AFG2A: variants seen among roughly 807,000 people sequenced by gnomAD.
AFG2A encodes the protein AAA ATPase AFG2A, also known as ATPase family gene 2 protein homolog A.
chr4:122,979,167 C>T, the AFG2A span: 2 of 1,542,214 alleles, frequency 1.3e-6, no homozygotes, highest in Non-Finnish European at 1.8e-6. Context: ...GCCACCGGAG[C>T]CATCAATTCA....
the AFG2A span, among the ~76,000 whole-genome samples, chr4:122,984,893 AAGGATATTGGTCTGT>A: frequency 2.6e-5 from 4 of 152,132 alleles, no homozygotes; most frequent in Non-Finnish European, 5.9e-5. Context: ...AGTGTTCATC[AAGGATATTGGTCTGT>A]AGTTTTCTTT....
the AFG2A span, among the ~76,000 whole-genome samples, chr4:123,214,722 G>A: frequency 6.6e-6 from 1 of 151,878 alleles, no homozygotes; most frequent in Non-Finnish European, 1.5e-5. Flanking sequence ...ACACTACTCA[G>A]CCTTAAGACG....
the AFG2A span, among the ~76,000 whole-genome samples, chr4:122,947,836 A>G: frequency 2.6e-5 from 4 of 151,850 alleles, no homozygotes; most frequent in East Asian, 5.8e-4. Flanking sequence ...ATAAAAACTT[A>G]AAAAATATAG....
At chr4:123,062,316 T>A in the AFG2A span, among the ~76,000 whole-genome samples, 1 of 152,250 alleles carries the variant, frequency 6.6e-6, no homozygotes, top group Non-Finnish European at 1.5e-5. Context: ...ACCTGGATGA[T>A]GTAGCCTTCT....
chr4:123,010,639 C>T, the AFG2A span, among the ~76,000 whole-genome samples: 25 of 152,340 alleles, frequency 1.6e-4, no homozygotes, highest in East Asian at 1.9e-3. Flanking sequence ...ACACTTGTAA[C>T]GCATGGGCCC....
chr4:123,067,519 C>T, the AFG2A span, among the ~76,000 whole-genome samples: 3 of 150,856 alleles, frequency 2.0e-5, no homozygotes, highest in East Asian at 1.9e-4. Flanking sequence ...TCCATCCCCC[C>T]CAAAAAAAAG....
chr4:123,293,972 C>T, the AFG2A span, among the ~76,000 whole-genome samples: 1 of 152,230 alleles, frequency 6.6e-6, no homozygotes, highest in Admixed American at 6.5e-5. Context: ...CTCCCCTTAA[C>T]ACTCCATTTG....
chr4:122,979,246 C>T, the AFG2A span: 37 of 1,613,958 alleles, frequency 2.3e-5, no homozygotes, highest in Admixed American at 1.7e-4. Context: ...CTGTGCCTTG[C>T]GGAGAATCCT....
At chr4:123,036,929 T>C in the AFG2A span, among the ~76,000 whole-genome samples, 1 of 152,142 alleles carries the variant, frequency 6.6e-6, no homozygotes, top group Non-Finnish European at 1.5e-5. Flanking sequence ...GTGCTGATAC[T>C]GTACTTTTTA....
chr4:123,056,559 AT>A, the AFG2A span: 77 of 626,772 alleles, frequency 1.2e-4, no homozygotes, highest in South Asian at 3.3e-4. Context: ...TCTTAGTGGT[AT>A]TTTTTTTTCT....
chr4:123,180,477 AGT>A, the AFG2A span, among the ~76,000 whole-genome samples: 2 of 152,250 alleles, frequency 1.3e-5, no homozygotes, highest in Non-Finnish European at 1.5e-5. Context: ...TATAAACTAG[AGT>A]GTGATTTGTT....
the AFG2A span, among the ~76,000 whole-genome samples, chr4:123,174,710 T>C: frequency 6.6e-6 from 1 of 152,042 alleles, no homozygotes; most frequent in South Asian, 2.1e-4. Flanking sequence ...GGCCCCTACT[T>C]CACATCACAT....
the AFG2A span, among the ~76,000 whole-genome samples, chr4:122,961,271 T>A: frequency 2.0e-5 from 3 of 152,242 alleles, no homozygotes; most frequent in Admixed American, 2.0e-4. Flanking sequence ...TTTCTAAAAA[T>A]TGTATTTTAC....
At chr4:122,927,664 A>G in the AFG2A span, 2 of 1,611,894 alleles carry the variant, frequency 1.2e-6, no homozygotes, top group Non-Finnish European at 1.7e-6. Context: ...ACATTCCAGA[A>G]TTCCCTTATT....
chr4:123,073,138 C>CA, the AFG2A span, among the ~76,000 whole-genome samples: 1 of 151,172 alleles, frequency 6.6e-6, no homozygotes, highest in Non-Finnish European at 1.5e-5. Context: ...GTATATCAAA[C>CA]TTTTTAAGAT....
chr4:123,274,250 G>A, the AFG2A span, among the ~76,000 whole-genome samples: 28 of 151,990 alleles, frequency 1.8e-4, no homozygotes, highest in African/African-American at 6.5e-4. Context: ...AGAGTGAATT[G>A]ATTGATAAAA....
At chr4:122,943,548 T>A in the AFG2A span, among the ~76,000 whole-genome samples, 1 of 152,192 alleles carries the variant, frequency 6.6e-6, no homozygotes, top group Non-Finnish European at 1.5e-5. Flanking sequence ...TGAGATGGGT[T>A]TCCTGAATAC....
At chr4:123,177,648 G>A in the AFG2A span, among the ~76,000 whole-genome samples, 2 of 152,032 alleles carry the variant, frequency 1.3e-5, no homozygotes, top group African/African-American at 4.8e-5. Context: ...CAGTATTTTC[G>A]ATATTAACAG....
At chr4:123,177,186 G>C in the AFG2A span, among the ~76,000 whole-genome samples, 2 of 146,394 alleles carry the variant, frequency 1.4e-5, no homozygotes. Context: ...AAAAGAGCTT[G>C]ATTTGATTTT....
Sources: allele counts gnomAD v4.1 joint callset (sites outside exome capture counted in the v4.1 genomes callset), GRCh38; gene constraint gnomAD v4.1.1; transcripts MANE v1.5; gene names NCBI Gene and HGNC (gene_info 2026-07-23, HGNC 2026-07-21).